Variants in VNN1 observed in about 807,000 individuals in gnomAD.
VNN1 encodes vanin 1.
Under a neutral mutation model 41.9 loss-of-function variants are expected in VNN1, and 29 were observed. That is an observed-to-expected ratio of 0.69 (90% CI 0.52 to 0.94). VNN1 has a LOEUF of 0.94. Among genes scored for constraint, VNN1 ranks in the 40% least tolerant of loss-of-function variants. The pLI is 0.00. For missense variants in VNN1, 637 were observed against 621.1 expected (o/e 1.03, Z -0.27); for synonymous variants, 233 against 224.4 (o/e 1.04, Z -0.34).
At chr6:132,708,134 TAA>T (rs1778546303) in intron 2 of VNN1, among the ~76,000 whole-genome samples, 1 of 152,234 alleles carries the variant, frequency 6.6e-6, no homozygotes, top group African/African-American at 2.4e-5. Context: ...AATTCATCTT[TAA>T]GTTAGGTTAT....
chr6:132,712,086 G>T (rs1442191370), intron 1 of VNN1, among the ~76,000 whole-genome samples: 10 of 147,862 alleles, frequency 6.8e-5, no homozygotes, highest in Non-Finnish European at 1.5e-4. Flanking sequence ...ACAAATGCAG[G>T]TTTGTTGCAT....
rs759751704 is a variant in VNN1 at position 132,683,218 on chromosome 6, A to C, written c.1464T>G (p.Ala488=). Residue 488 remains alanine (A), a synonymous_variant, in exon 7 of 7, where the codon GCT becomes GCG. Transcript: ENST00000367928. ...TTGCTTGTGCTGTGAGGCCTGATGAAGCATTTGATGCCCAGTCCTTCTCAT... is the reference window on the plus strand; with the variant it reads ...TTGCTTGTGCTGTGAGGCCTGATGACGCATTTGATGCCCAGTCCTTCTCAT... ...RLYEKDWASN[A]SSGLTAQARI... The C allele has an allele frequency of 1.2e-6, 2 of 1,614,024 alleles. No homozygotes were observed.
At chr6:132,695,048 A>G (rs1778349864) in intron 2 of VNN1, among the ~76,000 whole-genome samples, 1 of 152,160 alleles carries the variant, frequency 6.6e-6, no homozygotes, top group African/African-American at 2.4e-5. Context: ...GCTACTCAAG[A>G]GGCTGAGGTG....
chr6:132,705,316 T>G (rs1212348154), intron 2 of VNN1, among the ~76,000 whole-genome samples: 1 of 152,166 alleles, frequency 6.6e-6, no homozygotes, highest in Non-Finnish European at 1.5e-5. Flanking sequence ...ATTAAAAAAT[T>G]ATTCATCATG....
In VNN1 at chr6:132,714,005, TTGC is replaced by T. The variant is rs1206589285; in HGVS notation, c.28_30del (p.Ala10del). The T allele has an allele frequency of 1.9e-6, 3 of 1,613,748 alleles. No individual in the cohort carries two copies. The highest frequency in any genetic ancestry group is 2.5e-6 in the Non-Finnish European group (3 of 1,179,920). Reference sequence around the variant, plus strand: ...GCTCTTGAGACATAGAAAAGCAAAATTGCCACGTAAGCTGGCAACTGAGTAGTC... The same window carrying T: ...GCTCTTGAGACATAGAAAAGCAAAATCACGTAAGCTGGCAACTGAGTAGTC... On this transcript the variant is annotated inframe_deletion, in exon 1 of 7. Coordinates refer to ENST00000367928, the MANE Select transcript of VNN1 (RefSeq NM_004666.3).
intron 6 of VNN1, 49 bp downstream of exon 6, chr6:132,684,286 A>T (rs1562212835): frequency 6.4e-7 from 1 of 1,551,392 alleles, no homozygotes; most frequent in African/African-American, 1.4e-5. Context: ...TATATCAAAA[A>T]GTGCTTCCTC....
intron 2 of VNN1, among the ~76,000 whole-genome samples, chr6:132,705,551 C>T (rs1778507279): frequency 6.6e-6 from 1 of 152,080 alleles, no homozygotes; most frequent in African/African-American, 2.4e-5. Flanking sequence ...TATGACAGAC[C>T]CATGGCTGGT....
At chr6:132,694,454 C>T (rs146214156) in intron 2 of VNN1, among the ~76,000 whole-genome samples, 2 of 152,210 alleles carry the variant, frequency 1.3e-5, no homozygotes, top group Non-Finnish European at 2.9e-5. Flanking sequence ...GTCATATTTT[C>T]ACTTACGTGT....
chr6:132,706,228 A>G (rs1244588533), intron 2 of VNN1, among the ~76,000 whole-genome samples: 1 of 152,174 alleles, frequency 6.6e-6, no homozygotes. Context: ...AAAAAACTGG[A>G]GAAATCACAT....
At chr6:132,708,385 TAGAA>T (rs1778549301) in intron 2 of VNN1, among the ~76,000 whole-genome samples, 1 of 152,166 alleles carries the variant, frequency 6.6e-6, no homozygotes, top group Admixed American at 6.5e-5. Flanking sequence ...TAGATATAAT[TAGAA>T]ACTTCAAATC....
chr6:132,687,591 A>G (rs1310132214), intron 5 of VNN1, among the ~76,000 whole-genome samples: 2 of 152,212 alleles, frequency 1.3e-5, no homozygotes, highest in African/African-American at 4.8e-5. Context: ...AGGAGCAAAT[A>G]AAGGTAGAAG....
At position 132,692,517 on chromosome 6, in the gene VNN1, T is replaced by A; in HGVS notation, c.894A>T (p.Lys298Asn). 6.2e-7 allele frequency: 1 copy of A among 1,611,768 alleles called. No individual in the cohort carries two copies. The highest frequency in any genetic ancestry group is 1.7e-5 in the Admixed American group (1 of 59,930). Residue 298 changes from lysine (K) to asparagine (N), a missense_variant, in exon 5 of 7, where the codon AAA becomes AAT. Physicochemically the swap from Lys to Asn is moderately conservative, Grantham distance 94 (BLOSUM62 0). Coordinates refer to ENST00000367928, the MANE Select transcript of VNN1 (RefSeq NM_004666.3). Reference protein sequence around the residue: ...FHYDMKTEEGKLLLSQLDSHP... With the variant: ...FHYDMKTEEGNLLLSQLDSHP... ...GGGAATCCAGTTGCGAGAGGAGGAG[T>A]TTTCCCTCTTCTGTCTTCATATCAT...
intron 5 of VNN1, among the ~76,000 whole-genome samples, chr6:132,689,301 A>T (rs1444111187): frequency 6.6e-6 from 1 of 152,092 alleles, no homozygotes; most frequent in Non-Finnish European, 1.5e-5. Flanking sequence ...ACATACACAC[A>T]CATTTCTCCT....
intron 1 of VNN1, among the ~76,000 whole-genome samples, chr6:132,713,446 A>G (rs568162074): frequency 7.5e-4 from 114 of 152,318 alleles, no homozygotes; most frequent in African/African-American, 2.7e-3. Flanking sequence ...AAACCTGCAA[A>G]GCCTTAATAG....
chr6:132,700,662 G>C (rs1778437910), intron 2 of VNN1, among the ~76,000 whole-genome samples: 2 of 152,158 alleles, frequency 1.3e-5, no homozygotes, highest in African/African-American at 4.8e-5. Context: ...TGGGAAGGAT[G>C]AAATGGACAT....
Position 132,680,942 on chromosome 6 carries a change from G to C in VNN1, c.*2198C>G, listed in dbSNP as rs888304554. 6.6e-6 allele frequency among the ~76,000 whole-genome samples: 1 copy of C among 151,960 alleles called. No individual in the cohort carries two copies. Among genetic ancestry groups the C allele is most frequent in the African/African-American group, 2.4e-5 (1 of 41,374 alleles). On this transcript the variant is annotated 3_prime_UTR_variant, in exon 7 of 7. Coordinates refer to ENST00000367928, the MANE Select transcript of VNN1 (RefSeq NM_004666.3). ...GACGTAACTATTGGGAGTGTATTTT[G>C]AAATACATATCACATATAGCAAAAA...
intron 2 of VNN1, among the ~76,000 whole-genome samples, chr6:132,698,423 A>G (rs1340918258): frequency 6.6e-6 from 1 of 152,232 alleles, no homozygotes; most frequent in Non-Finnish European, 1.5e-5. Flanking sequence ...AGAATATTCC[A>G]GGCAGAGCTG....
chr6:132,688,676 C>T (rs1184440534), intron 5 of VNN1, among the ~76,000 whole-genome samples: 7 of 152,052 alleles, frequency 4.6e-5, no homozygotes, highest in African/African-American at 1.7e-4. Context: ...ATTTATATAG[C>T]AATATAATAC....
intron 6 of VNN1, among the ~76,000 whole-genome samples, 171 bp from the exon 7 acceptor site, chr6:132,683,493 T>C (rs556948350): frequency 6.6e-6 from 1 of 152,318 alleles, no homozygotes; most frequent in South Asian, 2.1e-4. Flanking sequence ...GCTATGAAAC[T>C]GGCACTGATT....
Sources: allele counts gnomAD v4.1 joint callset (sites outside exome capture counted in the v4.1 genomes callset), GRCh38; gene constraint gnomAD v4.1.1; transcripts MANE v1.5; gene names NCBI Gene and HGNC (gene_info 2026-07-23, HGNC 2026-07-21).